The following VOPP1 variants were observed in gnomAD, a reference collection of about 807,000 sequenced individuals.
VOPP1 encodes the protein VOPP1 WW domain binding protein, also known as WW domain binding protein VOPP1.
VOPP1 carries 8 observed loss-of-function variants against 23.5 expected under a neutral mutation model. That is an observed-to-expected ratio of 0.34 (90% CI 0.20 to 0.61). The LOEUF is 0.61. VOPP1 is among the 20% of genes least tolerant of loss of function. The pLI is 0.78. For missense variants in VOPP1, 174 were observed against 238.1 expected, an observed-to-expected ratio of 0.73 and a Z score of 1.77; for synonymous variants, 83 against 97.3, an observed-to-expected ratio of 0.85 and a Z score of 0.86.
At chr7:55,473,182 T>G in intron 4 of VOPP1, 137 bp from the exon 5 acceptor site, 2 of 1,349,008 alleles carry the variant, frequency 1.5e-6, no homozygotes, top group Non-Finnish European at 1.9e-6. Context: ...ACATGCCCGG[T>G]GAGGGGGCAC....
chr7:55,528,471 T>C (rs1245841565), intron 1 of VOPP1, among the ~76,000 whole-genome samples: 2 of 152,120 alleles, frequency 1.3e-5, no homozygotes, highest in Non-Finnish European at 1.5e-5. Flanking sequence ...AAACTGGATA[T>C]GAAAAGATAT....
chr7:55,537,528 T>C (rs1796870823), intron 1 of VOPP1: 2 of 1,536,052 alleles, frequency 1.3e-6, no homozygotes, highest in East Asian at 4.9e-5. Context: ...TCCTTCGCAT[T>C]CTGTTAGGCG....
At chr7:55,561,885 C>A in intron 1 of VOPP1, 1 of 696,278 alleles carries the variant, frequency 1.4e-6, no homozygotes, top group Non-Finnish European at 2.6e-6. Flanking sequence ...CCTTCCATGA[C>A]ACCACCTGAG....
At chr7:55,454,222 A>C (rs112989930) in intron 4 of VOPP1, among the ~76,000 whole-genome samples, 1,831 of 152,298 alleles carry the variant, frequency 0.012, 13 homozygotes, top group Admixed American at 0.021. Flanking sequence ...ATTTCTGGAC[A>C]CATACACCCT....
chr7:55,498,350 C>A (rs550203270), intron 2 of VOPP1, among the ~76,000 whole-genome samples: 63 of 152,322 alleles, frequency 4.1e-4, no homozygotes, highest in Non-Finnish European at 7.8e-4. Flanking sequence ...CATCCCCCAA[C>A]GTGTCTGAGG....
chr7:55,462,475 A>G (rs1388636447), intron 4 of VOPP1, among the ~76,000 whole-genome samples: 1 of 152,066 alleles, frequency 6.6e-6, no homozygotes. Context: ...TTTTTCTTCT[A>G]TAACACCCAA....
rs989564632 is a variant in VOPP1 at position 55,537,809 on chromosome 7, T to C, written c.55-16679A>G. The C allele has an allele frequency of 1.7e-5, 16 of 946,688 alleles. No individual in the cohort carries two copies. In the East Asian group the frequency reaches 4.5e-4, roughly 27 times the overall value. 58.6% of individuals were successfully genotyped at this position (946,688 alleles called of 1,614,324 possible). ...ACATGCACTTCCCACAGCCCCCACT[T>C]CCCCTCCAACTTCCACTACTTCAAA... On this transcript the variant is annotated intron_variant, in intron 1 of 4. Transcript: ENST00000285279.
At chr7:55,440,826 C>T (rs1790945909) in intron 4 of VOPP1, among the ~76,000 whole-genome samples, 1 of 152,138 alleles carries the variant, frequency 6.6e-6, no homozygotes, top group African/African-American at 2.4e-5. Flanking sequence ...CAGTACTTTT[C>T]CTGGGACTCT....
At chr7:55,478,165 G>A (rs1229150279) in intron 4 of VOPP1, among the ~76,000 whole-genome samples, 1 of 152,194 alleles carries the variant, frequency 6.6e-6, no homozygotes, top group Non-Finnish European at 1.5e-5. Flanking sequence ...AGCACGGTCT[G>A]GAATGTGCCC....
At chr7:55,454,495 A>C (rs1791318581) in intron 4 of VOPP1, among the ~76,000 whole-genome samples, 1 of 152,196 alleles carries the variant, frequency 6.6e-6, no homozygotes, top group Non-Finnish European at 1.5e-5. Flanking sequence ...AGACACAACA[A>C]AAAAAGAAAA....
intron 1 of VOPP1, among the ~76,000 whole-genome samples, chr7:55,564,205 A>G (rs1056078148): frequency 1.2e-4 from 16 of 138,570 alleles, no homozygotes; most frequent in Non-Finnish European, 2.1e-4. Context: ...AGCTTCTTCA[A>G]TAATAATCTC....
At chr7:55,544,375 G>A (rs946673308) in intron 1 of VOPP1, among the ~76,000 whole-genome samples, 3 of 152,230 alleles carry the variant, frequency 2.0e-5, no homozygotes, top group Non-Finnish European at 4.4e-5. Context: ...GTTTGGGGCA[G>A]TAGGGCTGGT....
intron 4 of VOPP1, among the ~76,000 whole-genome samples, chr7:55,488,278 C>A (rs930191794): frequency 1.3e-5 from 2 of 152,166 alleles, no homozygotes; most frequent in Non-Finnish European, 2.9e-5. Context: ...TACCCTGGGT[C>A]TCACAGACCT....
intron 1 of VOPP1, among the ~76,000 whole-genome samples, chr7:55,551,580 C>A (rs1205645544): frequency 6.6e-6 from 1 of 152,092 alleles, no homozygotes; most frequent in Non-Finnish European, 1.5e-5. Flanking sequence ...TGGAAAAGGT[C>A]ACCTTGTTTT....
chr7:55,474,684 T>C (rs1478535890), intron 4 of VOPP1, among the ~76,000 whole-genome samples: 1 of 152,116 alleles, frequency 6.6e-6, no homozygotes, highest in Non-Finnish European at 1.5e-5. Context: ...GCGGGGCAGA[T>C]GAAAAAGTCC....
chr7:55,568,081 C>CTTTTTTTTTTTTTTTTTTTTTTTTTTT (rs60284804), intron 1 of VOPP1, among the ~76,000 whole-genome samples: 1 of 124,042 alleles, frequency 8.1e-6, no homozygotes, highest in African/African-American at 3.1e-5. Context: ...ACAACTATTC[C>CTTTTTTTTTTTTTTTTTTTTTTTTTTT]TTTTTTTTTT....
intron 4 of VOPP1, among the ~76,000 whole-genome samples, chr7:55,477,668 T>C (rs373635463): frequency 1.6e-4 from 25 of 152,356 alleles, no homozygotes; most frequent in African/African-American, 5.0e-4. Context: ...TTCGTGTTCA[T>C]AGACACAGTG....
chr7:55,492,100 G>A (rs1179630293), intron 4 of VOPP1, among the ~76,000 whole-genome samples, 182 bp downstream of exon 4: 3 of 152,182 alleles, frequency 2.0e-5, no homozygotes, highest in South Asian at 2.1e-4. Context: ...ACGGGCGTGC[G>A]ATATACCTTA....
intron 4 of VOPP1, among the ~76,000 whole-genome samples, chr7:55,460,042 A>G (rs1281596186): frequency 6.9e-6 from 1 of 144,666 alleles, no homozygotes; most frequent in African/African-American, 2.6e-5. Context: ...TCTGTATCCC[A>G]TAGGTGTGGG....
Sources: gnomAD v4.1 joint callset for allele counts (sites outside exome capture counted in the v4.1 genomes callset) on GRCh38, gnomAD v4.1.1 for gene constraint, MANE v1.5 for transcripts, NCBI Gene and HGNC (gene_info 2026-07-23, HGNC 2026-07-21) for gene names.